AXIN1: variants seen among roughly 807,000 people sequenced by gnomAD.
AXIN1 encodes the protein axin-1.
In AXIN1, 30 loss-of-function variants were observed where a neutral mutation model predicts 76.4. The ratio of observed to expected loss-of-function variants is 0.39; its 90% CI spans 0.29 to 0.53. The LOEUF is 0.53. AXIN1 is among the 20% of genes least tolerant of loss of function. The probability of loss-of-function intolerance (pLI) is 0.66; values close to 1 mark genes in which losing one functional copy is unlikely to be tolerated. For synonymous variants in AXIN1, 545 were observed against 501.4 expected (o/e 1.09, Z -1.16); for missense variants, 1,140 against 1,198.8 (o/e 0.95, Z 0.72).
In AXIN1 at chr16:295,005, A is replaced by C. The variant is rs1441238120; in HGVS notation, c.1956-1287T>G. Among the ~76,000 whole-genome samples, 3 of 146,932 alleles carry C rather than the reference A, an allele frequency of 2.0e-5. No individual in the cohort carries two copies. In the South Asian group the frequency reaches 6.7e-4, roughly 33 times the overall value. On this transcript the variant is annotated intron_variant, in intron 7 of 10. Transcript: ENST00000262320. ...CATGAACCCGGGAGGCGAGGCTTGC[A>C]GTGAGCTGAGATCAGGCCACTGCAC... is the stretch of plus-strand genomic sequence containing the variant.
chr16:331,506 G>T (rs929056805), intron 2 of AXIN1, among the ~76,000 whole-genome samples: 22 of 152,260 alleles, frequency 1.4e-4, no homozygotes, highest in Non-Finnish European at 2.5e-4. Context: ...ATTTTTATGA[G>T]ATATTTAATT....
At chr16:306,260 A>G (rs1425252794) in intron 4 of AXIN1, among the ~76,000 whole-genome samples, 1 of 152,200 alleles carries the variant, frequency 6.6e-6, no homozygotes, top group Non-Finnish European at 1.5e-5. Context: ...ACCTAACCAC[A>G]GTACAAATAT....
chr16:326,460 G>T (rs191336602), intron 2 of AXIN1, among the ~76,000 whole-genome samples: 1 of 149,138 alleles, frequency 6.7e-6, no homozygotes, highest in Non-Finnish European at 1.5e-5. Flanking sequence ...TAAAAAATGT[G>T]ATTGAGAGCC....
intron 10 of AXIN1, among the ~76,000 whole-genome samples, chr16:288,490 T>C (rs947069781): frequency 6.6e-6 from 1 of 152,270 alleles, no homozygotes; most frequent in African/African-American, 2.4e-5. Context: ...CACATCCCCC[T>C]GGGAGTACCT....
In AXIN1 at chr16:303,937, C is replaced by T. The variant is rs538098832; in HGVS notation, c.1254+367G>A. Among the ~76,000 whole-genome samples, 6 of 152,356 alleles carry T rather than the reference C, an allele frequency of 3.9e-5. No homozygotes were observed. The South Asian group carries it at 1.2e-3, about 32-fold the overall frequency. ...TAGCCCTTCCTGCTCTGCACATGCT[C>T]ATCTCACTTGCCAGCCACACGGGGT... On this transcript the variant is annotated intron_variant, in intron 5 of 10. Transcript: ENST00000262320.
intron 4 of AXIN1, among the ~76,000 whole-genome samples, chr16:305,019 G>T (rs1356481641): frequency 6.6e-6 from 1 of 152,230 alleles, no homozygotes; most frequent in Non-Finnish European, 1.5e-5. Context: ...GGCAGCTTCA[G>T]GACACACAGC....
At chr16:333,949 AAC>A (rs1348870602) in intron 2 of AXIN1, among the ~76,000 whole-genome samples, 2 of 151,398 alleles carry the variant, frequency 1.3e-5, no homozygotes, top group African/African-American at 4.9e-5. Context: ...CCATGCCAAT[AAC>A]ACAGCACCCA....
chr16:299,816 C>T (rs1349220530), intron 5 of AXIN1, among the ~76,000 whole-genome samples: 4 of 151,808 alleles, frequency 2.6e-5, no homozygotes, highest in African/African-American at 4.8e-5. Flanking sequence ...CCACCACGCC[C>T]GGCTAATTTT....
intron 6 of AXIN1, 141 bp from the exon 7 acceptor site, chr16:297,367 C>T (rs1236251107): frequency 3.6e-6 from 4 of 1,126,418 alleles, no homozygotes; most frequent in Admixed American, 2.1e-5. Flanking sequence ...CGCTTGTCCC[C>T]CACCCGCTGT....
At chr16:298,611 G>T (rs902397066) in intron 5 of AXIN1, among the ~76,000 whole-genome samples, 1 of 152,148 alleles carries the variant, frequency 6.6e-6, no homozygotes, top group East Asian at 1.9e-4. Flanking sequence ...AGGCTCAAGC[G>T]ATCCTCCCAC....
chr16:314,591 T>C lies in AXIN1; in HGVS notation c.971A>G (p.Gln324Arg). The C allele has an allele frequency of 6.2e-7, 1 of 1,613,988 alleles. No homozygotes were observed. Residue 324 changes from glutamine to arginine, a missense_variant, in exon 3 of 11, where the codon CAG (glutamine) becomes CGG (arginine). Coordinates refer to ENST00000262320, the MANE Select transcript of AXIN1 (RefSeq NM_003502.4). ...GGTGTCTGCATCGCTGGACAGGCTC[T>C]GCTGCTCGCTGTCGTTGGCACTGGT... The part of the protein sequence containing the change: ...PATSANDSEQ[Q>R]SLSSDADTLS...
chr16:312,477 T>C (rs1433708304), intron 3 of AXIN1, among the ~76,000 whole-genome samples: 1 of 152,220 alleles, frequency 6.6e-6, no homozygotes, highest in African/African-American at 2.4e-5. Flanking sequence ...AGGTTACTTT[T>C]TGTTGTAGTA....
chr16:338,640 G>A (rs2053853942), intron 2 of AXIN1, among the ~76,000 whole-genome samples: 1 of 152,230 alleles, frequency 6.6e-6, no homozygotes, highest in Admixed American at 6.5e-5. Flanking sequence ...AATACAAGAT[G>A]GACTGGGCAC....
In AXIN1 at chr16:333,399, A is replaced by C. The variant is rs538098129; in HGVS notation, c.878+12749T>G. 9.9e-5 allele frequency among the ~76,000 whole-genome samples: 15 copies of C among 151,484 alleles called. No homozygotes were observed. The East Asian group carries it at 1.9e-3, about 20-fold the overall frequency. On this transcript the variant is annotated intron_variant, in intron 2 of 10. Transcript: ENST00000262320. ...CAGCTACTCTGGAGGCTGAGGCAGG[A>C]GGATCGCTCAAGCCTTTTTTTCCAG...
chr16:291,197 C>A lies in AXIN1; in HGVS notation c.2287G>T (p.Glu763Ter), dbSNP rs568350522. The A allele has an allele frequency of 2.0e-5, 31 of 1,583,500 alleles. No individual in the cohort carries two copies. Among genetic ancestry groups the A allele is most frequent in the Non-Finnish European group, 2.7e-5 (31 of 1,165,576 alleles). The stretch of plus-strand genomic sequence containing the variant: ...CCCTCAGGACGCACGTACTCTGTCT[C>A]GGAGAGCTCCATGTCCGACACGGCT... ...VPAVSDMELSETETRSQRKVG... is the reference protein window; with the variant it reads ...VPAVSDMELS Residue 763 changes from glutamate to a stop codon, truncating the protein, a stop_gained, in exon 9 of 11, where the codon GAG becomes TAG. Transcript: ENST00000262320. LOFTEE classifies it high-confidence loss of function.
rs771914266 is a variant in AXIN1, at chr16:293,637, G to C, written c.2037C>G (p.Leu679=). 6.2e-7 allele frequency: 1 copy of C among 1,613,624 alleles called. No homozygotes were observed. Among genetic ancestry groups the C allele is most frequent in the Non-Finnish European group, 8.5e-7 (1 of 1,180,020 alleles). ...SLEHPWAGPQ[L]RTSVQPSHLF... is the part of the protein sequence containing the mutation. ...GGTGGGAGGGCTGCACGGAGGTCCG[G>C]AGCTGAGGGCCGGCCCAGGGGTGCT... The change falls in exon 8 of 11, where the codon CTC becomes CTG. Residue 679 remains leucine (L), a synonymous_variant. Coordinates refer to ENST00000262320, the MANE Select transcript of AXIN1 (RefSeq NM_003502.4). The surrounding 1 kb of genome is among the most constrained non-coding windows in gnomAD (Gnocchi z 4.6).
intron 2 of AXIN1, among the ~76,000 whole-genome samples, chr16:316,126 AAC>A (rs1458001890): frequency 1.3e-5 from 2 of 152,180 alleles, no homozygotes; most frequent in Non-Finnish European, 2.9e-5. Context: ...CTATTTTGGA[AAC>A]ACAGTCCTTC....
At chr16:325,479 C>A (rs1192388772) in intron 2 of AXIN1, among the ~76,000 whole-genome samples, 2 of 152,244 alleles carry the variant, frequency 1.3e-5, no homozygotes, top group Non-Finnish European at 2.9e-5. Context: ...TGGGGCAGCG[C>A]TTCCCAGCGG....
At chr16:311,708 T>G (rs1597039533) in intron 3 of AXIN1, among the ~76,000 whole-genome samples, 1 of 151,926 alleles carries the variant, frequency 6.6e-6, no homozygotes, top group Non-Finnish European at 1.5e-5. Context: ...GAGGCGGAGG[T>G]TGCAGTGAGG....
Sources: gnomAD v4.1 joint callset for allele counts (sites outside exome capture counted in the v4.1 genomes callset) on GRCh38, gnomAD v4.1.1 for gene constraint, Gnocchi (gnomAD v3.1) non-coding constraint, MANE v1.5 for transcripts, NCBI Gene and HGNC (gene_info 2026-07-23, HGNC 2026-07-21) for gene names.